Variants in OTUB1 observed in about 807,000 individuals in gnomAD.
OTUB1 encodes OTU deubiquitinase, ubiquitin aldehyde binding 1.
A neutral mutation model predicts 35.8 loss-of-function variants in OTUB1; 10 were observed. That is an observed-to-expected ratio of 0.28 (90% CI 0.17 to 0.47). The LOEUF (loss-of-function observed/expected upper bound fraction) is 0.47. Ranked by LOEUF, OTUB1 falls within the 20% of genes least tolerant of loss-of-function variation. OTUB1 has a pLI of 0.99. For synonymous variants in OTUB1, 158 were observed against 143.8 expected, an observed-to-expected ratio of 1.10 and a Z score of -0.71; for missense variants, 264 against 351.6, an observed-to-expected ratio of 0.75 and a Z score of 1.99.
chr11:63,992,489 G>C (rs1450849792), intron 3 of OTUB1, among the ~76,000 whole-genome samples: 1 of 151,602 alleles, frequency 6.6e-6, no homozygotes, highest in African/African-American at 2.4e-5. Context: ...TGTGGCGAGA[G>C]AAAGGACTCT....
At chr11:63,993,747 G>T (rs943865989) in intron 3 of OTUB1, among the ~76,000 whole-genome samples, 4 of 151,894 alleles carry the variant, frequency 2.6e-5, no homozygotes, top group East Asian at 1.9e-4. Context: ...AGGTCTTGTT[G>T]TGTTGCCCAG....
Position 63,997,811 on chromosome 11 carries a change from C to T in OTUB1, c.*265C>T, listed in dbSNP as rs1382633467. The T allele has an allele frequency of 2.9e-6, 2 of 699,442 alleles. No individual in the cohort carries two copies. The highest frequency in any genetic ancestry group is 2.7e-5 in the East Asian group (1 of 37,262). 43.3% of individuals were successfully genotyped at this position (699,442 alleles called of 1,614,324 possible). ...TCACCTATCTACTCCTGAGCTTCCC[C>T]AACAGGAGCAGGTTTGAGGGGCCAG... On this transcript the variant is annotated 3_prime_UTR_variant, in exon 7 of 7. Transcript: ENST00000538426.
chr11:63,988,692 G>A lies in OTUB1; in HGVS notation c.159G>A (p.Glu53=), dbSNP rs1427017806. 6.2e-7 allele frequency: 1 copy of A among 1,613,412 alleles called. No individual in the cohort carries two copies. The highest frequency in any genetic ancestry group is 1.7e-5 in the Admixed American group (1 of 60,020). The stretch of plus-strand genomic sequence containing the variant: ...ACCCTCTGGTGTCAGAGCGGCTGGA[G>A]CTCTCGGTCCTATACAAGGAGTATG... ...VQNPLVSERL[E]LSVLYKEYAE... Residue 53 remains glutamate (E), a synonymous_variant, in exon 3 of 7, where the codon GAG becomes GAA. Coordinates refer to ENST00000538426, the MANE Select transcript of OTUB1 (RefSeq NM_017670.3).
chr11:63,988,201 G>T (rs1942638367), intron 1 of OTUB1, 136 bp from the exon 2 acceptor site: 3 of 650,526 alleles, frequency 4.6e-6, no homozygotes, highest in Middle Eastern at 4.9e-4. Context: ...CTTGCATCTG[G>T]GACATCTGTA....
chr11:63,986,572 T>G, intron 1 of OTUB1, 58 bp downstream of exon 1: 1 of 1,463,692 alleles, frequency 6.8e-7, no homozygotes, highest in Non-Finnish European at 9.3e-7. Context: ...CCGGGCCAGC[T>G]GCTCCCGAGG....
rs558039727 is a variant in OTUB1, at chr11:63,997,708, G to C, written c.*162G>C. The C allele has an allele frequency of 8.3e-6, 6 of 720,782 alleles. No homozygotes were observed. The East Asian group carries it at 1.1e-4, about 13-fold the overall frequency. The allele number at this position is 720,782 out of a possible 1,614,324, so 44.6% of individuals were successfully genotyped here. A position where few individuals can be genotyped will look rare whatever the true frequency, so the allele number is the denominator to read the frequency against. ...AAAGGGGGTGCTGGTGGTGAGCCGTGTGTGCGTGTCCCTGCTCTGCTGCCC... is the reference window on the plus strand; with the variant it reads ...AAAGGGGGTGCTGGTGGTGAGCCGTCTGTGCGTGTCCCTGCTCTGCTGCCC... On this transcript the variant is annotated 3_prime_UTR_variant, in exon 7 of 7. Coordinates refer to ENST00000538426, the MANE Select transcript of OTUB1 (RefSeq NM_017670.3).
Position 63,998,001 on chromosome 11 carries a change from C to G in OTUB1, c.*455C>G, listed in dbSNP as rs1268746252. The G allele has an allele frequency of 3.7e-6, 2 of 547,226 alleles. No homozygotes were observed. Among genetic ancestry groups the G allele is most frequent in the Non-Finnish European group, 6.5e-6 (2 of 306,766 alleles). 33.9% of individuals were successfully genotyped at this position (547,226 alleles called of 1,614,324 possible). ...CATAGGCCCCACCTCCACGTCCCGGCTGGGCCCCAGACCCCAGCTTCCTGC... is the reference window on the plus strand; with the variant it reads ...CATAGGCCCCACCTCCACGTCCCGGGTGGGCCCCAGACCCCAGCTTCCTGC... On this transcript the variant is annotated 3_prime_UTR_variant, in exon 7 of 7. Transcript: ENST00000538426.
rs918292936 is a variant in OTUB1 at position 63,988,671 on chromosome 11, T to C, written c.138T>C (p.Pro46=). ...TCCTCCAGATTGCTGTGCAGAACCCTCTGGTGTCAGAGCGGCTGGAGCTCT... is the reference window on the plus strand; with the variant it reads ...TCCTCCAGATTGCTGTGCAGAACCCCCTGGTGTCAGAGCGGCTGGAGCTCT... ...RIQQEIAVQN[P]LVSERLELSV... Residue 46 remains proline (P), a synonymous_variant, in exon 3 of 7, where the codon CCT becomes CCC. Transcript: ENST00000538426. The C allele has an allele frequency of 1.2e-6, 2 of 1,613,216 alleles. No individual in the cohort carries two copies. The highest frequency in any genetic ancestry group is 8.5e-7 in the Non-Finnish European group (1 of 1,179,438).
At position 63,997,250 on chromosome 11, in the gene OTUB1, G is replaced by T; in HGVS notation, c.618+6G>T. 1 of 1,612,624 alleles carries T rather than the reference G, an allele frequency of 6.2e-7. No individual in the cohort carries two copies. Among genetic ancestry groups the T allele is most frequent in the Non-Finnish European group, 8.5e-7 (1 of 1,178,828 alleles). On this transcript the variant is annotated splice_donor_region_variant and intron_variant, in intron 6 of 6. Coordinates refer to ENST00000538426, the MANE Select transcript of OTUB1 (RefSeq NM_017670.3). ...TCAAGGAGTTCTGCCAGCAGGTGCC[G>T]TCCCCCTCCCCTTTACTCTCGGCCG...
intron 3 of OTUB1, 57 bp downstream of exon 3, chr11:63,988,809 C>A: frequency 9.3e-7 from 1 of 1,076,576 alleles, no homozygotes; most frequent in South Asian, 1.3e-5. Flanking sequence ...AGGAGGGTGC[C>A]TGCTTCAGAC....
At chr11:63,995,383 A>T (rs1942707565) in intron 3 of OTUB1, among the ~76,000 whole-genome samples, 1 of 152,114 alleles carries the variant, frequency 6.6e-6, no homozygotes, top group African/African-American at 2.4e-5. Context: ...TTCAGTAGAG[A>T]TGGAGTTTCG....
rs765865829 is a variant in OTUB1 at position 63,997,357 on chromosome 11, G to A, written c.627G>A (p.Glu209=). ...CGGCACCTGTGCCACAGGAGGTGGAGCCCATGTGCAAGGAGAGCGACCACA... is the reference window on the plus strand; with the variant it reads ...CGGCACCTGTGCCACAGGAGGTGGAACCCATGTGCAAGGAGAGCGACCACA... ...TVKEFCQQEV[E]PMCKESDHIH... is the part of the protein sequence containing the mutation. The change falls in exon 7 of 7, where the codon GAG becomes GAA. Residue 209 remains glutamate, a synonymous_variant. Coordinates refer to ENST00000538426, the MANE Select transcript of OTUB1 (RefSeq NM_017670.3). 1 of 1,614,044 alleles carries A rather than the reference G, an allele frequency of 6.2e-7. No individual in the cohort carries two copies. Among genetic ancestry groups the A allele is most frequent in the Admixed American group, 1.7e-5 (1 of 60,024 alleles).
At chr11:63,993,434 G>T in intron 3 of OTUB1, among the ~76,000 whole-genome samples, 1 of 152,062 alleles carries the variant, frequency 6.6e-6, no homozygotes, top group Non-Finnish European at 1.5e-5. Flanking sequence ...GGCCAAGGTG[G>T]GTGGATCACT....
In OTUB1 at chr11:63,997,444, C is replaced by T. The variant is rs145777501; in HGVS notation, c.714C>T (p.Arg238=). Residue 238 remains arginine, a synonymous_variant, in exon 7 of 7, where the codon CGC becomes CGT. Transcript: ENST00000538426. ...SVSIQVEYMD[R]GEGGTTNPHI... is the part of the protein sequence containing the mutation. ...CCATCCAGGTGGAGTACATGGACCG[C>T]GGCGAGGGCGGCACCACCAATCCGC... The T allele has an allele frequency of 8.2e-5, 133 of 1,614,116 alleles. No individual in the cohort carries two copies. The African/African-American group carries it at 9.2e-4, about 11-fold the overall frequency.
intron 3 of OTUB1, chr11:63,989,194 C>T (rs1353604420): frequency 1.9e-5 from 3 of 153,970 alleles, no homozygotes; most frequent in Admixed American, 6.5e-5. Context: ...GTGGCAGGCA[C>T]CTGTAATCGC....
chr11:63,993,166 C>T (rs756927879), intron 3 of OTUB1, among the ~76,000 whole-genome samples: 2 of 152,100 alleles, frequency 1.3e-5, no homozygotes, highest in African/African-American at 4.8e-5. Flanking sequence ...GTGATGGAGT[C>T]GGCAGCGACT....
intron 1 of OTUB1, among the ~76,000 whole-genome samples, 161 bp from the exon 2 acceptor site, chr11:63,988,176 G>A (rs773540203): frequency 5.9e-5 from 9 of 152,210 alleles, no homozygotes; most frequent in Non-Finnish European, 1.2e-4. Flanking sequence ...TGGGAAGGCT[G>A]AGGCAGGAGA....
Position 63,997,668 on chromosome 11 carries a change from C to CT in OTUB1, c.*122_*123insT. 1.2e-6 allele frequency: 1 copy of CT among 802,534 alleles called. No individual in the cohort carries two copies. The highest frequency in any genetic ancestry group is 2.1e-6 in the Non-Finnish European group (1 of 473,996). 49.7% of individuals were successfully genotyped at this position (802,534 alleles called of 1,614,324 possible). A position where few individuals can be genotyped will look rare whatever the true frequency, so the allele number is the denominator to read the frequency against. On this transcript the variant is annotated 3_prime_UTR_variant, in exon 7 of 7. Coordinates refer to ENST00000538426, the MANE Select transcript of OTUB1 (RefSeq NM_017670.3). ...CCCCTTCTTCCTGTCACATGACCCC[C>CT]CCCCATGTTTTATTAAAGGGGGTGC...
rs1447110841 is a variant in OTUB1, at chr11:63,986,497, T to C, written c.41T>C (p.Leu14Pro). The change falls in exon 1 of 7, where the codon CTG becomes CCG. Residue 14 changes from leucine (L) to proline (P), a missense_variant. By Grantham distance (98) the Leu-to-Pro change is moderately conservative. Transcript: ENST00000538426. ...CCTCAGCAGCAGAAGCAGGAGCCGCTGGGCAGCGACTCCGAAGGTACAGAT... is the reference window on the plus strand; with the variant it reads ...CCTCAGCAGCAGAAGCAGGAGCCGCCGGGCAGCGACTCCGAAGGTACAGAT... Reference protein sequence around the residue: ...EEPQQQKQEPLGSDSEGVNCL... With the variant: ...EEPQQQKQEPPGSDSEGVNCL... The C allele has an allele frequency of 6.4e-7, 1 of 1,552,614 alleles. No homozygotes were observed. Among genetic ancestry groups the C allele is most frequent in the South Asian group, 1.2e-5 (1 of 84,176 alleles).
Sources: gnomAD v4.1 joint callset for allele counts (sites outside exome capture counted in the v4.1 genomes callset) on GRCh38, gnomAD v4.1.1 for gene constraint, MANE v1.5 for transcripts, NCBI Gene and HGNC (gene_info 2026-07-23, HGNC 2026-07-21) for gene names.